ZNF804B: variants seen among roughly 807,000 people sequenced by gnomAD.
ZNF804B encodes the protein zinc finger protein 804B, also known as zinc finger 804B.
Under a neutral mutation model 101.4 loss-of-function variants are expected in ZNF804B, and 80 were observed. That is an observed-to-expected ratio of 0.79 (90% confidence interval 0.66 to 0.95). The LOEUF is 0.95. Ranked by LOEUF, ZNF804B falls within the 40% of genes least tolerant of loss-of-function variation. ZNF804B has a pLI of 0.00. For synonymous variants in ZNF804B, 622 were observed against 558.8 expected (o/e 1.11, Z -1.59); for missense variants, 1,673 against 1,561.9 (o/e 1.07, Z -1.20).
intron 3 of ZNF804B, among the ~76,000 whole-genome samples, chr7:89,332,535 A>T (rs75384911): frequency 6.6e-6 from 1 of 151,830 alleles, no homozygotes; most frequent in African/African-American, 2.4e-5. Flanking sequence ...GCCTTCTTTT[A>T]TAGTAGAGGG....
intron 2 of ZNF804B, among the ~76,000 whole-genome samples, chr7:89,229,035 G>T (rs575016741): frequency 1.3e-5 from 2 of 152,186 alleles, no homozygotes; most frequent in Non-Finnish European, 2.9e-5. Flanking sequence ...GGGGCCCGCG[G>T]AGCCCACGCC....
intron 1 of ZNF804B, among the ~76,000 whole-genome samples, chr7:88,861,586 A>G (rs1283515911): frequency 4.6e-5 from 7 of 152,166 alleles, no homozygotes; most frequent in Admixed American, 6.6e-5. Flanking sequence ...TCTCAGCGAT[A>G]TCTGTCACAT....
intron 1 of ZNF804B, among the ~76,000 whole-genome samples, chr7:88,965,021 G>A (rs371124587): frequency 1.3e-5 from 2 of 151,354 alleles, no homozygotes; most frequent in Non-Finnish European, 3.0e-5. Flanking sequence ...AACATATAAG[G>A]TGCCAATACT....
chr7:89,010,832 T>C (rs1267042783), intron 1 of ZNF804B, among the ~76,000 whole-genome samples: 2 of 152,198 alleles, frequency 1.3e-5, no homozygotes, highest in Non-Finnish European at 2.9e-5. Context: ...TCAAATGTTA[T>C]GTTGGAACAT....
intron 1 of ZNF804B, among the ~76,000 whole-genome samples, chr7:88,959,525 C>A (rs1225287223): frequency 6.6e-6 from 1 of 151,268 alleles, no homozygotes; most frequent in Non-Finnish European, 1.5e-5. Context: ...TGGCTGGAAC[C>A]TTTATTCTAC....
chr7:89,037,005 A>G (rs1466862798), intron 1 of ZNF804B, among the ~76,000 whole-genome samples: 1 of 152,166 alleles, frequency 6.6e-6, no homozygotes, highest in East Asian at 1.9e-4. Context: ...CTCTGGGTAT[A>G]GCTGACATTT....
intron 1 of ZNF804B, chr7:88,794,871 T>A: frequency 6.2e-7 from 1 of 1,612,466 alleles, no homozygotes; most frequent in Non-Finnish European, 8.5e-7. Context: ...TACGTGGGAC[T>A]TGGAGAAAAA....
chr7:88,865,090 T>C (rs1791706497), intron 1 of ZNF804B, among the ~76,000 whole-genome samples: 1 of 151,030 alleles, frequency 6.6e-6, no homozygotes, highest in Non-Finnish European at 1.5e-5. Flanking sequence ...TAGACAGGCG[T>C]GGTGACCCAT....
chr7:88,848,987 G>A (rs1791414165), intron 1 of ZNF804B, among the ~76,000 whole-genome samples: 1 of 152,146 alleles, frequency 6.6e-6, no homozygotes, highest in Non-Finnish European at 1.5e-5. Flanking sequence ...ATAGATCATA[G>A]CATGAAGAAA....
At chr7:88,933,761 G>T (rs1454984398) in intron 1 of ZNF804B, among the ~76,000 whole-genome samples, 1 of 151,852 alleles carries the variant, frequency 6.6e-6, no homozygotes, top group Admixed American at 6.6e-5. Context: ...AGAAATCATA[G>T]ATGACACAAA....
chr7:88,786,117 G>A (rs1237813670), intron 1 of ZNF804B, among the ~76,000 whole-genome samples: 1 of 152,084 alleles, frequency 6.6e-6, no homozygotes, highest in East Asian at 1.9e-4. Context: ...CATCCTTGCT[G>A]AATAACTAAA....
intron 2 of ZNF804B, among the ~76,000 whole-genome samples, chr7:89,241,422 T>A (rs1789370360): frequency 6.6e-6 from 1 of 152,082 alleles, no homozygotes; most frequent in Non-Finnish European, 1.5e-5. Context: ...AAATACACTA[T>A]TTACCCTCAA....
chr7:88,780,785 A>T (rs1008635780), intron 1 of ZNF804B, among the ~76,000 whole-genome samples: 1 of 152,192 alleles, frequency 6.6e-6, no homozygotes, highest in Non-Finnish European at 1.5e-5. Context: ...AGTGAAGCAA[A>T]TACTTTTCAA....
Position 89,334,400 on chromosome 7 carries a change from A to G in ZNF804B, c.1418A>G (p.Tyr473Cys). The change falls in exon 4 of 4, where the codon TAT becomes TGT. Residue 473 changes from tyrosine (Y) to cysteine (C), a missense_variant. By Grantham distance (194) the Tyr-to-Cys change is radical (BLOSUM62 -2). Transcript: ENST00000333190. ...LFTKTEPCIS[Y>C]GCNPLYFDFK... The stretch of plus-strand genomic sequence containing the variant: ...ACAAAAACAGAACCCTGTATCTCTT[A>G]TGGCTGCAACCCACTGTATTTTGAT... 6 of 1,613,736 alleles carry G rather than the reference A, an allele frequency of 3.7e-6. No homozygotes were observed. Among genetic ancestry groups the G allele is most frequent in the Non-Finnish European group, 5.1e-6 (6 of 1,179,824 alleles).
At chr7:89,014,477 T>C (rs923921845) in intron 1 of ZNF804B, among the ~76,000 whole-genome samples, 1 of 152,072 alleles carries the variant, frequency 6.6e-6, no homozygotes, top group Admixed American at 6.5e-5. Flanking sequence ...CTGCGACGCC[T>C]GGCTAATTTT....
chr7:88,799,511 G>C (rs1341716945), intron 1 of ZNF804B, among the ~76,000 whole-genome samples: 1 of 152,002 alleles, frequency 6.6e-6, no homozygotes. Context: ...TCTATGAGAT[G>C]ATTCCTCTGG....
chr7:89,151,063 G>A (rs1250742936), intron 1 of ZNF804B, among the ~76,000 whole-genome samples: 5 of 152,088 alleles, frequency 3.3e-5, no homozygotes, highest in African/African-American at 1.2e-4. Flanking sequence ...GATGTAGTAG[G>A]TGCTTTAGAA....
At chr7:89,051,957 T>C (rs190006591) in intron 1 of ZNF804B, among the ~76,000 whole-genome samples, 9 of 152,258 alleles carry the variant, frequency 5.9e-5, no homozygotes, top group Admixed American at 5.2e-4. Context: ...TATTAATATA[T>C]ACACATTTTC....
intron 1 of ZNF804B, among the ~76,000 whole-genome samples, chr7:89,087,325 T>C (rs1789819656): frequency 7.0e-6 from 1 of 143,072 alleles, no homozygotes; most frequent in African/African-American, 2.7e-5. Context: ...AACTATCATA[T>C]ATTTTCTGAT....
Sources: gnomAD v4.1 joint callset for allele counts (sites outside exome capture counted in the v4.1 genomes callset) on GRCh38, gnomAD v4.1.1 for gene constraint, MANE v1.5 for transcripts, NCBI Gene and HGNC (gene_info 2026-07-23, HGNC 2026-07-21) for gene names.